CAPN13: variants seen among roughly 807,000 people sequenced by gnomAD.
The protein encoded by CAPN13 is calpain-13.
A neutral mutation model predicts 98.4 loss-of-function variants in CAPN13; 90 were observed. The ratio of observed to expected loss-of-function variants is 0.92; its 90% CI spans 0.77 to 1.09. CAPN13 has a LOEUF of 1.09. Ranked by LOEUF, CAPN13 falls within the 50% of genes least tolerant of loss-of-function variation. The probability of loss-of-function intolerance (pLI) is 0.00; values close to 1 mark genes in which losing one functional copy is unlikely to be tolerated. For synonymous variants in CAPN13, 330 were observed against 305.5 expected (o/e 1.08, Z -0.84); for missense variants, 887 against 841.3 (o/e 1.05, Z -0.67).
intron 5 of CAPN13, among the ~76,000 whole-genome samples, chr2:30,767,559 C>T (rs1473253173): frequency 1.3e-5 from 2 of 152,098 alleles, no homozygotes; most frequent in Non-Finnish European, 2.9e-5. Flanking sequence ...GGGCTGAATC[C>T]GTATTGAAAA....
chr2:30,795,799 TA>T (rs1416029762), intron 1 of CAPN13, among the ~76,000 whole-genome samples: 1 of 152,122 alleles, frequency 6.6e-6, no homozygotes, highest in African/African-American at 2.4e-5. Context: ...GTTTAATTTT[TA>T]TAAATTGAGC....
chr2:30,725,689 G>T (rs991805330), intron 22 of CAPN13, among the ~76,000 whole-genome samples: 1 of 152,168 alleles, frequency 6.6e-6, no homozygotes, highest in African/African-American at 2.4e-5. Context: ...TCGAATCCTG[G>T]CTAACGATAA....
At position 30,802,954 on chromosome 2, in the gene CAPN13, T is replaced by C. The variant is rs183467845; in HGVS notation, c.-33+4348A>G. Among the ~76,000 whole-genome samples the C allele has an allele frequency of 5.7e-3, 868 of 152,260 alleles. 4 individuals are homozygous for C. Among genetic ancestry groups the C allele is most frequent in the African/African-American group, 0.02 (826 of 41,554 alleles). On this transcript the variant is annotated intron_variant, in intron 1 of 22. Coordinates refer to ENST00000295055, the MANE Select transcript of CAPN13 (RefSeq NM_144575.3). ...GACAGGTCTGAGGGGATGGCAGCAC[T>C]GGCTCAGGACAGCCCCTGGGTTGAC...
rs747810444 is a variant in CAPN13, at chr2:30,787,307, G to C, written c.19C>G (p.Pro7Ala). The change falls in exon 2 of 23, where the codon CCT becomes GCT. Residue 7 changes from proline to alanine, a missense_variant. Coordinates refer to ENST00000295055, the MANE Select transcript of CAPN13 (RefSeq NM_144575.3). MAYYQEPSVETSIIKFK... is the reference protein window; with the variant it reads MAYYQEASVETSIIKFK... ...TTGATGATGGAGGTCTCCACTGAAG[G>C]CTCCTGGTAATACGCCATGACTCTC... 1.2e-5 allele frequency: 20 copies of C among 1,612,598 alleles called. No individual in the cohort carries two copies. Among genetic ancestry groups the C allele is most frequent in the African/African-American group, 1.1e-4 (8 of 74,910 alleles).
At chr2:30,789,613 C>T (rs183165953) in intron 1 of CAPN13, among the ~76,000 whole-genome samples, 2 of 152,320 alleles carry the variant, frequency 1.3e-5, no homozygotes, top group Admixed American at 1.3e-4. Flanking sequence ...AATTCCCATT[C>T]TAAGATTCAC....
At chr2:30,773,598 C>T (rs1436446888) in intron 4 of CAPN13, among the ~76,000 whole-genome samples, 1 of 152,058 alleles carries the variant, frequency 6.6e-6, no homozygotes, top group African/African-American at 2.4e-5. Context: ...AAGGCCAGAG[C>T]ATTAAATGCA....
At chr2:30,797,922 T>C (rs890061624) in intron 1 of CAPN13, among the ~76,000 whole-genome samples, 1 of 152,260 alleles carries the variant, frequency 6.6e-6, no homozygotes, top group Non-Finnish European at 1.5e-5. Context: ...CTCCTCTGCT[T>C]ACCCTGTCCT....
intron 1 of CAPN13, among the ~76,000 whole-genome samples, chr2:30,796,144 G>GTATATA (rs143244491): frequency 1.1e-4 from 15 of 138,014 alleles, no homozygotes; most frequent in African/African-American, 2.2e-4. Context: ...ATATATGTGT[G>GTATATA]TATATATATA....
chr2:30,787,103 G>C, intron 2 of CAPN13, 25 bp downstream of exon 2: 1 of 1,520,584 alleles, frequency 6.6e-7, no homozygotes, highest in Non-Finnish European at 8.9e-7. Context: ...CTGGAGCTGG[G>C]TATGCTCGTG....
intron 1 of CAPN13, among the ~76,000 whole-genome samples, chr2:30,793,543 C>T (rs1343627204): frequency 6.6e-6 from 1 of 151,558 alleles, no homozygotes; most frequent in African/African-American, 2.4e-5. Flanking sequence ...TCAATACAAT[C>T]CTAACCAAAA....
chr2:30,788,593 G>A (rs1002016769), intron 1 of CAPN13, among the ~76,000 whole-genome samples: 3 of 152,168 alleles, frequency 2.0e-5, no homozygotes, highest in African/African-American at 7.2e-5. Context: ...AGGTCCCTGT[G>A]TTGCACCCAT....
intron 5 of CAPN13, among the ~76,000 whole-genome samples, chr2:30,768,320 C>T (rs768429386): frequency 6.6e-6 from 1 of 152,236 alleles, no homozygotes; most frequent in Non-Finnish European, 1.5e-5. Context: ...GACAGAGGCA[C>T]AAGGCCAGTT....
chr2:30,768,546 C>A (rs952159509), intron 5 of CAPN13, among the ~76,000 whole-genome samples: 2 of 152,198 alleles, frequency 1.3e-5, no homozygotes, highest in African/African-American at 4.8e-5. Context: ...CCATGAGAGT[C>A]CCTGCCCCTG....
intron 7 of CAPN13, among the ~76,000 whole-genome samples, chr2:30,760,310 G>A (rs1672778751): frequency 6.6e-6 from 1 of 152,178 alleles, no homozygotes; most frequent in African/African-American, 2.4e-5. Flanking sequence ...TGGATACGCA[G>A]TTTATTGTTA....
chr2:30,750,780 G>C (rs1258004926), intron 11 of CAPN13, among the ~76,000 whole-genome samples: 1 of 152,202 alleles, frequency 6.6e-6, no homozygotes, highest in African/African-American at 2.4e-5. Flanking sequence ...AGTAAGCCCA[G>C]AATCTGCTTT....
intron 22 of CAPN13, among the ~76,000 whole-genome samples, chr2:30,725,666 G>C (rs751822318): frequency 6.6e-6 from 1 of 152,098 alleles, no homozygotes; most frequent in Admixed American, 6.5e-5. Context: ...GCAAGGAGAG[G>C]GACTTCTCTG....
chr2:30,738,343 G>A, intron 16 of CAPN13, 50 bp from the exon 17 acceptor site: 3 of 1,612,898 alleles, frequency 1.9e-6, no homozygotes, highest in Non-Finnish European at 8.5e-7. Flanking sequence ...TGGGGTGTGG[G>A]GTGGGGTTGC....
At chr2:30,802,634 GA>G (rs897496998) in intron 1 of CAPN13, among the ~76,000 whole-genome samples, 3 of 151,932 alleles carry the variant, frequency 2.0e-5, no homozygotes, top group Non-Finnish European at 1.5e-5. Flanking sequence ...GGGAGAGCCA[GA>G]GCTTCTGAAA....
chr2:30,779,519 A>T (rs1412090075), intron 2 of CAPN13, among the ~76,000 whole-genome samples: 3 of 152,172 alleles, frequency 2.0e-5, no homozygotes, highest in Admixed American at 6.5e-5. Flanking sequence ...TACATTTACA[A>T]ATGAGGAAGG....
Sources: allele counts gnomAD v4.1 joint callset (sites outside exome capture counted in the v4.1 genomes callset), GRCh38; gene constraint gnomAD v4.1.1; transcripts MANE v1.5; gene names NCBI Gene and HGNC (gene_info 2026-07-23, HGNC 2026-07-21).